Variants in SH2D4B observed in about 807,000 individuals in gnomAD.
SH2D4B encodes the protein SH2 domain-containing protein 4B.
A neutral mutation model predicts 61.5 loss-of-function variants in SH2D4B; 45 were observed. The observed-to-expected ratio is 0.73, with a 90% confidence interval of 0.58 to 0.94. SH2D4B has a LOEUF of 0.94. SH2D4B is among the 40% of genes least tolerant of loss of function. SH2D4B has a pLI of 0.00. For synonymous variants in SH2D4B, 224 were observed against 220.4 expected (o/e 1.02, Z -0.14); for missense variants, 572 against 574.2 (o/e 1.00, Z 0.04).
Position 80,538,667 on chromosome 10 carries a change from T to G in SH2D4B, c.184+152T>G. The G allele has an allele frequency of 1.5e-6, 1 of 665,710 alleles. No homozygotes were observed. The highest frequency in any genetic ancestry group is 2.2e-6 in the Non-Finnish European group (1 of 456,850). The allele number at this position is 665,710 out of a possible 1,614,324, so 41.2% of individuals were successfully genotyped here. A position where few individuals can be genotyped will look rare whatever the true frequency, so the allele number is the denominator to read the frequency against. ...CTTGTCTTGTGGGCATCAGGTCCCA[T>G]GAGCCTGTGCTTTTGCCTTTTGGCC... On this transcript the variant is annotated intron_variant, in intron 1 of 7. Transcript: ENST00000646907. This position sits in a 1 kb window ranked among gnomAD's most constrained non-coding sequence, Gnocchi z 4.8.
At chr10:80,621,613 C>T (rs957343995) in intron 6 of SH2D4B, among the ~76,000 whole-genome samples, 2 of 152,158 alleles carry the variant, frequency 1.3e-5, no homozygotes, top group Non-Finnish European at 2.9e-5. Flanking sequence ...CGTCAAATGT[C>T]GTCTGGGTAT....
rs1430303137 is a variant in SH2D4B, at chr10:80,571,500, GGC to G, written c.419_420del (p.Ala140GlyfsTer65). ...TGGCCAATGAGAAAGCCCGGATCTT[GGC>G]GGAGAAGTGGAAAGTGGAGATGGAA... ...ALANEKARIL[A>X]EKWKVEMEDR... On this transcript the variant is annotated frameshift_variant, in exon 3 of 8. Coordinates refer to ENST00000646907, the MANE Select transcript of SH2D4B (RefSeq NM_001388272.1). LOFTEE classifies it high-confidence loss of function. 1 of 1,614,046 alleles carries G rather than the reference GGC, an allele frequency of 6.2e-7. No individual in the cohort carries two copies. The highest frequency in any genetic ancestry group is 1.3e-5 in the African/African-American group (1 of 74,920).
intron 4 of SH2D4B, among the ~76,000 whole-genome samples, chr10:80,596,218 C>T (rs1014143381): frequency 1.3e-5 from 2 of 152,240 alleles, no homozygotes; most frequent in African/African-American, 2.4e-5. Context: ...TCATTGATAA[C>T]GTCTGGGCAG....
intron 4 of SH2D4B, among the ~76,000 whole-genome samples, chr10:80,592,442 T>C (rs536650971): frequency 6.6e-4 from 100 of 152,330 alleles, no homozygotes; most frequent in African/African-American, 2.3e-3. Flanking sequence ...TAAGAAACCA[T>C]TGCCTAATCC....
chr10:80,572,992 T>A (rs1165416178), intron 3 of SH2D4B, among the ~76,000 whole-genome samples: 228 of 36,214 alleles, frequency 6.3e-3, no homozygotes, highest in East Asian at 0.018. Flanking sequence ...ATATATTTTT[T>A]TTTTTTTTTT....
intron 3 of SH2D4B, among the ~76,000 whole-genome samples, chr10:80,582,634 A>G (rs530637555): frequency 6.6e-6 from 1 of 152,278 alleles, no homozygotes; most frequent in East Asian, 1.9e-4. Context: ...GCTCATGTAG[A>G]ACCTATTCTG....
At chr10:80,626,381 T>C (rs945176763) in intron 6 of SH2D4B, among the ~76,000 whole-genome samples, 2 of 152,252 alleles carry the variant, frequency 1.3e-5, no homozygotes, top group Admixed American at 1.3e-4. Flanking sequence ...TTCTTTGTAG[T>C]GATTTGCATT....
intron 6 of SH2D4B, among the ~76,000 whole-genome samples, chr10:80,630,643 G>A (rs1422380469): frequency 6.6e-6 from 1 of 152,162 alleles, no homozygotes; most frequent in East Asian, 1.9e-4. Context: ...GCCCAGAGAG[G>A]CACATTTTTC....
intron 1 of SH2D4B, among the ~76,000 whole-genome samples, chr10:80,540,347 T>C (rs911914043): frequency 2.0e-5 from 3 of 152,114 alleles, no homozygotes; most frequent in African/African-American, 7.2e-5. Context: ...GGAAGAGCTT[T>C]CGGCCGGAGG....
chr10:80,632,261 G>T (rs552170884), intron 6 of SH2D4B, among the ~76,000 whole-genome samples: 2 of 151,902 alleles, frequency 1.3e-5, no homozygotes, highest in East Asian at 1.9e-4. Flanking sequence ...CAGCCAAGAG[G>T]GTAGATTTTT....
At chr10:80,628,724 G>T (rs2132157731) in intron 6 of SH2D4B, among the ~76,000 whole-genome samples, 1 of 152,172 alleles carries the variant, frequency 6.6e-6, no homozygotes, top group East Asian at 1.9e-4. Context: ...GGCCATTCTT[G>T]CATTGCTATA....
intron 4 of SH2D4B, among the ~76,000 whole-genome samples, chr10:80,598,697 T>G (rs1842412708): frequency 6.6e-6 from 1 of 152,160 alleles, no homozygotes; most frequent in Non-Finnish European, 1.5e-5. Context: ...GTTATTCAGT[T>G]CAACAGAGAA....
chr10:80,643,948 C>T (rs1179248317), intron 7 of SH2D4B, 45 bp from the exon 8 acceptor site: 1 of 1,486,244 alleles, frequency 6.7e-7, no homozygotes, highest in Non-Finnish European at 9.4e-7. Context: ...ATGTGTATTT[C>T]CCTGTCTTGA....
intron 1 of SH2D4B, among the ~76,000 whole-genome samples, chr10:80,566,942 G>A (rs1172328783): frequency 6.6e-6 from 1 of 152,122 alleles, no homozygotes; most frequent in African/African-American, 2.4e-5. Flanking sequence ...AAATAGCAAT[G>A]CACTCCTATA....
chr10:80,557,174 T>C (rs180942694), intron 1 of SH2D4B, among the ~76,000 whole-genome samples: 27 of 152,280 alleles, frequency 1.8e-4, no homozygotes, highest in Non-Finnish European at 2.8e-4. Context: ...TTTAGTCTGC[T>C]GATAGGACTA....
chr10:80,639,208 G>A (rs1171570082), intron 7 of SH2D4B, among the ~76,000 whole-genome samples: 11 of 152,100 alleles, frequency 7.2e-5, no homozygotes, highest in African/African-American at 2.7e-4. Context: ...ACTTCCAACT[G>A]TGTGGTCAAT....
At chr10:80,568,947 T>G (rs1842004997) in intron 1 of SH2D4B, among the ~76,000 whole-genome samples, 2 of 152,332 alleles carry the variant, frequency 1.3e-5, no homozygotes, top group South Asian at 4.1e-4. Flanking sequence ...AACTGAATGT[T>G]TTGCTGCTGC....
At chr10:80,641,797 C>A (rs2132168077) in intron 7 of SH2D4B, among the ~76,000 whole-genome samples, 1 of 152,310 alleles carries the variant, frequency 6.6e-6, no homozygotes, top group Non-Finnish European at 1.5e-5. Flanking sequence ...ACATCAAAAC[C>A]TTTGAGACTC....
At chr10:80,574,864 C>T (rs1163381384) in intron 3 of SH2D4B, among the ~76,000 whole-genome samples, 1 of 151,980 alleles carries the variant, frequency 6.6e-6, no homozygotes, top group African/African-American at 2.4e-5. Flanking sequence ...CCACACCCAG[C>T]TAATTTTTGT....
Sources: gnomAD v4.1 joint callset for allele counts (sites outside exome capture counted in the v4.1 genomes callset) on GRCh38, gnomAD v4.1.1 for gene constraint, Gnocchi (gnomAD v3.1) non-coding constraint, MANE v1.5 for transcripts, NCBI Gene and HGNC (gene_info 2026-07-23, HGNC 2026-07-21) for gene names.